Variants in CPPED1 observed in about 807,000 individuals in gnomAD.
CPPED1 encodes serine/threonine-protein phosphatase CPPED1.
A neutral mutation model predicts 28.0 loss-of-function variants in CPPED1; 28 were observed. The ratio of observed to expected loss-of-function variants is 1.00; its 90% CI spans 0.74 to 1.37. The LOEUF is 1.37. Among genes scored for constraint, CPPED1 ranks in the 40% most tolerant of loss-of-function variants. The probability of loss-of-function intolerance (pLI) is 0.00; values close to 1 mark genes in which losing one functional copy is unlikely to be tolerated. For synonymous variants in CPPED1, 198 were observed against 180.2 expected (o/e 1.10, Z -0.79); for missense variants, 504 against 416.5 (o/e 1.21, Z -1.83).
intron 1 of CPPED1, among the ~76,000 whole-genome samples, chr16:12,791,958 T>G (rs1376659704): frequency 6.8e-6 from 1 of 147,572 alleles, no homozygotes; most frequent in Non-Finnish European, 1.5e-5. Context: ...AGCGGTATCT[T>G]TTTTTTTTTT....
chr16:12,775,735 CAAGGTTTGG>C lies in CPPED1; in HGVS notation c.289+5441_289+5449del, dbSNP rs1183375053. On this transcript the variant is annotated intron_variant, in intron 2 of 3. Coordinates refer to ENST00000381774, the MANE Select transcript of CPPED1 (RefSeq NM_018340.3). ...CAGCCAGGCTGCAAAACGAAGCGCA[CAAGGTTTGG>C]AAACAGATGAACAAGAGTTCCCAGT... 1.1e-4 allele frequency among the ~76,000 whole-genome samples: 16 copies of C among 152,306 alleles called. No individual in the cohort carries two copies. The East Asian group carries it at 2.7e-3, about 26-fold the overall frequency.
chr16:12,687,439 TG>T (rs1400201762), intron 3 of CPPED1, among the ~76,000 whole-genome samples: 2 of 152,184 alleles, frequency 1.3e-5, no homozygotes, highest in African/African-American at 4.8e-5. Flanking sequence ...GGATAGGGCT[TG>T]GCCAGGGATT....
chr16:12,774,239 G>A (rs2080484994), intron 2 of CPPED1, among the ~76,000 whole-genome samples: 1 of 152,078 alleles, frequency 6.6e-6, no homozygotes, highest in Admixed American at 6.6e-5. Context: ...TGGGAGGCGA[G>A]GAGGGCAATC....
intron 2 of CPPED1, among the ~76,000 whole-genome samples, chr16:12,766,933 A>G (rs776962754): frequency 3.9e-5 from 6 of 152,168 alleles, no homozygotes; most frequent in Non-Finnish European, 7.4e-5. Context: ...CAGCATTCCC[A>G]GGTGGGAGCA....
chr16:12,673,283 C>T (rs555443416), intron 3 of CPPED1, among the ~76,000 whole-genome samples: 1 of 152,176 alleles, frequency 6.6e-6, no homozygotes, highest in East Asian at 1.9e-4. Context: ...CAGTCTGTAG[C>T]TCAAATGGGA....
intron 2 of CPPED1, among the ~76,000 whole-genome samples, chr16:12,711,600 G>A (rs1049831799): frequency 2.0e-5 from 3 of 152,188 alleles, no homozygotes; most frequent in East Asian, 3.9e-4. Flanking sequence ...GGGTCTAGGA[G>A]TCTGGAGTTC....
intron 2 of CPPED1, among the ~76,000 whole-genome samples, chr16:12,746,274 C>G (rs931335679): frequency 3.3e-5 from 5 of 149,704 alleles, no homozygotes; most frequent in African/African-American, 1.2e-4. Context: ...ACTTGGGAGG[C>G]TGAAGCAGGA....
chr16:12,699,624 G>A (rs371632072), intron 3 of CPPED1, among the ~76,000 whole-genome samples: 2 of 152,092 alleles, frequency 1.3e-5, no homozygotes, highest in East Asian at 1.9e-4. Flanking sequence ...TTACCTCCAC[G>A]GTGGTTTGGG....
Position 12,664,619 on chromosome 16 carries a change from G to A in CPPED1, c.*267C>T. On this transcript the variant is annotated 3_prime_UTR_variant, in exon 4 of 4. Transcript: ENST00000381774. This position sits in a 1 kb window ranked among gnomAD's most constrained non-coding sequence, Gnocchi z 4.2. Reference sequence around the variant, plus strand: ...GGAGTTGAGAAACACAGCATTAGGAGAATTTATTCAAACATCCATGCAGAG... The same window carrying A: ...GGAGTTGAGAAACACAGCATTAGGAAAATTTATTCAAACATCCATGCAGAG... 1 of 1,259,968 alleles carries A rather than the reference G, an allele frequency of 7.9e-7. No homozygotes were observed. Among genetic ancestry groups the A allele is most frequent in the Non-Finnish European group, 1.0e-6 (1 of 1,004,366 alleles). The allele number at this position is 1,259,968 out of a possible 1,614,324, so 78.0% of individuals were successfully genotyped here.
At chr16:12,716,103 A>C (rs750959107) in intron 2 of CPPED1, among the ~76,000 whole-genome samples, 1 of 152,228 alleles carries the variant, frequency 6.6e-6, no homozygotes, top group Non-Finnish European at 1.5e-5. Flanking sequence ...ACATATGTGT[A>C]AGCTTTATTC....
intron 2 of CPPED1, among the ~76,000 whole-genome samples, chr16:12,706,126 G>A (rs2080048952): frequency 6.6e-6 from 1 of 151,986 alleles, no homozygotes; most frequent in African/African-American, 2.4e-5. Flanking sequence ...TAAGAAACAG[G>A]CGATCTATAT....
chr16:12,755,676 A>G (rs1333076052), intron 2 of CPPED1, among the ~76,000 whole-genome samples: 1 of 152,222 alleles, frequency 6.6e-6, no homozygotes, highest in Non-Finnish European at 1.5e-5. Flanking sequence ...CGCATACAAT[A>G]AAGTTAATTT....
At chr16:12,728,966 T>C (rs972919509) in intron 2 of CPPED1, among the ~76,000 whole-genome samples, 3 of 152,174 alleles carry the variant, frequency 2.0e-5, no homozygotes, top group Non-Finnish European at 4.4e-5. Context: ...CCCCTGTCTG[T>C]GAGCTTAGGA....
At position 12,663,952 on chromosome 16, in the gene CPPED1, A is replaced by G. The variant is rs560403693; in HGVS notation, c.*934T>C. 6.6e-6 allele frequency: 1 copy of G among 152,344 alleles called. No homozygotes were observed. The highest frequency in any genetic ancestry group is 2.4e-5 in the African/African-American group (1 of 41,568). 9.4% of individuals were successfully genotyped at this position (152,344 alleles called of 1,614,324 possible). ...GTGCATTTAGTCCAAGTCAGGGCCA[A>G]TTCAGAGGATGTGGCTGAAGGCACC... On this transcript the variant is annotated 3_prime_UTR_variant, in exon 4 of 4. Transcript: ENST00000381774.
Position 12,684,786 on chromosome 16 carries a change from T to C in CPPED1, c.716-19671A>G, listed in dbSNP as rs551230295. Among the ~76,000 whole-genome samples the C allele has an allele frequency of 9.8e-5, 15 of 152,306 alleles. No homozygotes were observed. In the East Asian group the frequency reaches 1.2e-3, roughly 12 times the overall value. On this transcript the variant is annotated intron_variant, in intron 3 of 3. Transcript: ENST00000381774. ...ACTGAATACTCATCCCCAGGATGAA[T>C]AGCAGAGAGCGGCCGCTCTGTGACT...
intron 2 of CPPED1, chr16:12,757,418 C>T (rs2080377865): frequency 6.6e-6 from 1 of 151,858 alleles, no homozygotes; most frequent in African/African-American, 2.4e-5. Context: ...ATCTTACTTA[C>T]ATGGGGAAAA....
chr16:12,763,477 A>G (rs1161435431), intron 2 of CPPED1, among the ~76,000 whole-genome samples: 1 of 152,208 alleles, frequency 6.6e-6, no homozygotes, highest in East Asian at 1.9e-4. Flanking sequence ...ATGGAATTCA[A>G]TCTCAATAGA....
intron 1 of CPPED1, among the ~76,000 whole-genome samples, chr16:12,801,768 A>T (rs2080661165): frequency 6.6e-6 from 1 of 152,176 alleles, no homozygotes; most frequent in Non-Finnish European, 1.5e-5. Flanking sequence ...GGATGATTTT[A>T]AAAAGGGTTT....
chr16:12,665,079 T>A lies in CPPED1; in HGVS notation c.752A>T (p.Asn251Ile), dbSNP rs763842158. The A allele has an allele frequency of 6.2e-7, 1 of 1,606,264 alleles. No individual in the cohort carries two copies. The change falls in exon 4 of 4, where the codon AAT becomes ATT. Residue 251 changes from asparagine (N) to isoleucine (I), a missense_variant. Asn to Ile is a moderately radical substitution (Grantham distance 149, BLOSUM62 -3). Coordinates refer to ENST00000381774, the MANE Select transcript of CPPED1 (RefSeq NM_018340.3). ...KVVFSGHYHR[N>I]AGGTYQNLDM... ...GAGGTTCTGGTAGGTACCCCCGGCA[T>A]TCCTGTGGTAGTGGCCTGAGAACAC... is the stretch of plus-strand genomic sequence containing the variant.
Sources: gnomAD v4.1 joint callset for allele counts (sites outside exome capture counted in the v4.1 genomes callset) on GRCh38, gnomAD v4.1.1 for gene constraint, Gnocchi (gnomAD v3.1) non-coding constraint, MANE v1.5 for transcripts, NCBI Gene and HGNC (gene_info 2026-07-23, HGNC 2026-07-21) for gene names.